The following PTPRG variants were observed in gnomAD, a reference collection of about 807,000 sequenced individuals.
PTPRG encodes receptor-type tyrosine-protein phosphatase gamma.
Under a neutral mutation model 165.3 loss-of-function variants are expected in PTPRG, and 102 were observed. The observed-to-expected ratio is 0.62, with a 90% CI of 0.53 to 0.73. The LOEUF (loss-of-function observed/expected upper bound fraction) is 0.73, where lower values mean the gene tolerates loss of function less well. Ranked by LOEUF, PTPRG falls within the 30% of genes least tolerant of loss-of-function variation. The pLI is 0.00. For synonymous variants in PTPRG, 675 were observed against 669.5 expected (o/e 1.01, Z -0.13); for missense variants, 1,866 against 1,861.4 (o/e 1.00, Z -0.05).
intron 7 of PTPRG, among the ~76,000 whole-genome samples, chr3:62,165,762 A>C (rs1281494890): frequency 6.6e-6 from 1 of 152,142 alleles, no homozygotes; most frequent in African/African-American, 2.4e-5. Flanking sequence ...TGATAGGTGA[A>C]TTCATATACT....
At chr3:62,204,929 A>G (rs1262146593) in intron 12 of PTPRG, among the ~76,000 whole-genome samples, 1 of 152,112 alleles carries the variant, frequency 6.6e-6, no homozygotes, top group African/African-American at 2.4e-5. Flanking sequence ...TTAATAAGAA[A>G]TTCTTCATTT....
intron 1 of PTPRG, among the ~76,000 whole-genome samples, chr3:61,626,747 G>T (rs998411874): frequency 6.6e-6 from 1 of 152,196 alleles, no homozygotes; most frequent in African/African-American, 2.4e-5. Context: ...TGGGGGAGAA[G>T]GCTGGTTGGC....
At chr3:61,654,049 C>G (rs938395747) in intron 1 of PTPRG, among the ~76,000 whole-genome samples, 2 of 152,262 alleles carry the variant, frequency 1.3e-5, no homozygotes, top group Non-Finnish European at 2.9e-5. Flanking sequence ...AGATACATGC[C>G]CTTCCAGGGC....
chr3:62,261,275 T>C (rs1701690103), intron 16 of PTPRG, among the ~76,000 whole-genome samples: 1 of 152,210 alleles, frequency 6.6e-6, no homozygotes, highest in Non-Finnish European at 1.5e-5. Flanking sequence ...TTTTCAAAAG[T>C]TGTCTGCCCT....
chr3:61,791,823 A>T (rs2034884092), intron 2 of PTPRG, among the ~76,000 whole-genome samples: 1 of 152,202 alleles, frequency 6.6e-6, no homozygotes, highest in African/African-American at 2.4e-5. Context: ...ATTCAATGAC[A>T]TCTATAAACT....
intron 1 of PTPRG, among the ~76,000 whole-genome samples, chr3:61,670,129 G>A (rs1285126990): frequency 6.6e-6 from 1 of 152,100 alleles, no homozygotes; most frequent in African/African-American, 2.4e-5. Flanking sequence ...CCCAACTCTG[G>A]GTGTGTTAGG....
intron 2 of PTPRG, among the ~76,000 whole-genome samples, chr3:61,902,536 T>C (rs1309187014): frequency 6.6e-6 from 1 of 152,188 alleles, no homozygotes. Context: ...TAAACTGTGC[T>C]ATATTGCTAA....
intron 2 of PTPRG, among the ~76,000 whole-genome samples, chr3:61,817,077 TATATA>T (rs1248579607): frequency 7.5e-6 from 1 of 132,600 alleles, no homozygotes; most frequent in African/African-American, 2.8e-5. Flanking sequence ...ACATATATTA[TATATA>T]ATATATATTA....
Position 62,281,545 on chromosome 3 carries a change from T to TTTTTTTTTTTTTTTTTTTTGTTTTTTG in PTPRG, c.3766-12_3766-11insTTTTTTTTTTTTTGTTTTTTGTTTTTT. ...TTGACAGAACTGCAGAGGCTTTTTT[T>TTTTTTTTTTTTTTTTTTTTGTTTTTTG]TTTTTTGGATTCCAAAGGCAGAAGA... On this transcript the variant is annotated splice_polypyrimidine_tract_variant and intron_variant, in intron 26 of 29. Transcript: ENST00000474889. 1 of 1,388,976 alleles carries TTTTTTTTTTTTTTTTTTTTGTTTTTTG rather than the reference T, an allele frequency of 7.2e-7. No homozygotes were observed. Among genetic ancestry groups the TTTTTTTTTTTTTTTTTTTTGTTTTTTG allele is most frequent in the Non-Finnish European group, 9.6e-7 (1 of 1,036,582 alleles). The allele number at this position is 1,388,976 out of a possible 1,614,324, so 86.0% of individuals were successfully genotyped here.
rs187453206 is a variant in PTPRG at position 61,572,585 on chromosome 3, C to T, written c.85+10213C>T. ...ATCAGTCATTTTGCATTCATGCCAT[C>T]AACAAGTTTCTGGGTGCCTAGAGCA... On this transcript the variant is annotated intron_variant, in intron 1 of 29. Transcript: ENST00000474889. 4.6e-4 allele frequency among the ~76,000 whole-genome samples: 70 copies of T among 152,288 alleles called. 1 individual carries two copies. The South Asian group carries it at 9.3e-3, about 20-fold the overall frequency.
chr3:62,215,955 C>G, intron 12 of PTPRG, among the ~76,000 whole-genome samples: 1 of 152,150 alleles, frequency 6.6e-6, no homozygotes, highest in East Asian at 1.9e-4. Context: ...CGGTGGCTCA[C>G]GCCTGTAATC....
At chr3:62,226,488 T>A (rs4560291) in intron 13 of PTPRG, among the ~76,000 whole-genome samples, 17 of 152,210 alleles carry the variant, frequency 1.1e-4, no homozygotes, top group Admixed American at 9.2e-4. Flanking sequence ...AGAAGATTTT[T>A]ATGTTGAATA....
intron 1 of PTPRG, among the ~76,000 whole-genome samples, chr3:61,725,997 T>C (rs954747542): frequency 9.8e-5 from 15 of 152,286 alleles, no homozygotes; most frequent in African/African-American, 3.6e-4. Flanking sequence ...GCCTCACTGG[T>C]ATCAAATAAG....
At chr3:61,653,035 C>T (rs764553049) in intron 1 of PTPRG, among the ~76,000 whole-genome samples, 1 of 152,090 alleles carries the variant, frequency 6.6e-6, no homozygotes, top group South Asian at 2.1e-4. Flanking sequence ...GTATTCATTG[C>T]AGAACATTTT....
At chr3:62,270,583 A>C (rs1039708407) in intron 20 of PTPRG, among the ~76,000 whole-genome samples, 2 of 152,200 alleles carry the variant, frequency 1.3e-5, no homozygotes, top group Non-Finnish European at 2.9e-5. Context: ...GGTGTTTTAC[A>C]TACTAATAGG....
chr3:62,091,376 C>A (rs1032318186), intron 5 of PTPRG, among the ~76,000 whole-genome samples: 3 of 152,126 alleles, frequency 2.0e-5, no homozygotes, highest in Non-Finnish European at 4.4e-5. Flanking sequence ...TAAAGAGGAG[C>A]TAAAGTAATT....
At chr3:62,247,985 TTAGTA>T (rs1701327263) in intron 15 of PTPRG, among the ~76,000 whole-genome samples, 1 of 151,836 alleles carries the variant, frequency 6.6e-6, no homozygotes, top group Admixed American at 6.6e-5. Context: ...TTCTTCTGAT[TTAGTA>T]TAGCAAAGAC....
rs368595279 is a variant in PTPRG at position 62,271,350 on chromosome 3, G to A, written c.3010-33G>A. The A allele has an allele frequency of 2.4e-5, 37 of 1,545,730 alleles. No individual in the cohort carries two copies. The highest frequency in any genetic ancestry group is 9.6e-5 in the African/African-American group (7 of 72,768). Reference sequence around the variant, plus strand: ...TTTTTTCCAGAATGTCCACCCCCCCGCTTAAAGACATCTTTTTTCACTTTT... The same window carrying A: ...TTTTTTCCAGAATGTCCACCCCCCCACTTAAAGACATCTTTTTTCACTTTT... On this transcript the variant is annotated intron_variant, in intron 20 of 29. Transcript: ENST00000474889. This position sits in a 1 kb window ranked among gnomAD's most constrained non-coding sequence, Gnocchi z 4.1.
intron 5 of PTPRG, among the ~76,000 whole-genome samples, chr3:62,127,945 T>C (rs181552387): frequency 2.6e-3 from 391 of 152,260 alleles, no homozygotes; most frequent in Admixed American, 4.0e-3. Context: ...TGGATCCTTA[T>C]GGTGGGCTAT....
Sources: gnomAD v4.1 joint callset for allele counts (sites outside exome capture counted in the v4.1 genomes callset) on GRCh38, gnomAD v4.1.1 for gene constraint, Gnocchi (gnomAD v3.1) non-coding constraint, MANE v1.5 for transcripts, NCBI Gene and HGNC (gene_info 2026-07-23, HGNC 2026-07-21) for gene names.